GOLGA4: variants seen among roughly 807,000 people sequenced by gnomAD.
GOLGA4 encodes golgin subfamily A member 4.
A neutral mutation model predicts 265.9 loss-of-function variants in GOLGA4; 169 were observed. That is an observed-to-expected ratio of 0.64 (90% CI 0.56 to 0.72). The LOEUF (loss-of-function observed/expected upper bound fraction) is 0.72. Ranked by LOEUF, GOLGA4 falls within the 30% of genes least tolerant of loss-of-function variation. The pLI, the probability that GOLGA4 is intolerant of heterozygous loss-of-function variation, is 0.00. For missense variants in GOLGA4, 2,482 were observed against 2,483.4 expected, an observed-to-expected ratio of 1.00 and a Z score of 0.01; for synonymous variants, 923 against 855.8, an observed-to-expected ratio of 1.08 and a Z score of -1.37.
intron 10 of GOLGA4, among the ~76,000 whole-genome samples, chr3:37,305,107 C>T (rs528040008): frequency 2.0e-5 from 3 of 151,946 alleles, no homozygotes; most frequent in African/African-American, 7.3e-5. Context: ...TTAATAGAGA[C>T]CGGGTTTCAC....
intron 16 of GOLGA4, among the ~76,000 whole-genome samples, chr3:37,330,271 A>G (rs558080863): frequency 3.3e-4 from 50 of 152,310 alleles, no homozygotes; most frequent in African/African-American, 1.2e-3. Flanking sequence ...CTAAAACTAC[A>G]TAGTGGTAGA....
rs1198703584 is a variant in GOLGA4 at position 37,253,335 on chromosome 3, A to T, written c.162+1851A>T. 2.6e-5 allele frequency among the ~76,000 whole-genome samples: 4 copies of T among 152,056 alleles called. No homozygotes were observed. The South Asian group carries it at 8.3e-4, about 31-fold the overall frequency. Reference sequence around the variant, plus strand: ...GAAGTTTAACAAAATGAGAAACCGCATAGGGTACAGGGAAATGATGAAAAA... The same window carrying T: ...GAAGTTTAACAAAATGAGAAACCGCTTAGGGTACAGGGAAATGATGAAAAA... On this transcript the variant is annotated intron_variant, in intron 2 of 23. Transcript: ENST00000361924.
At chr3:37,286,961 A>G (rs956167354) in intron 4 of GOLGA4, among the ~76,000 whole-genome samples, 3 of 152,196 alleles carry the variant, frequency 2.0e-5, no homozygotes, top group Admixed American at 1.3e-4. Context: ...GAAATTTCCC[A>G]CTAGGTATTC....
intron 3 of GOLGA4, among the ~76,000 whole-genome samples, chr3:37,284,832 A>G (rs1314812993): frequency 6.6e-6 from 1 of 151,574 alleles, no homozygotes; most frequent in African/African-American, 2.4e-5. Context: ...CACCTGGCTA[A>G]TTTTTTGTAT....
At chr3:37,353,756 A>G (rs1170144095) in intron 21 of GOLGA4, among the ~76,000 whole-genome samples, 1 of 151,984 alleles carries the variant, frequency 6.6e-6, no homozygotes, top group Non-Finnish European at 1.5e-5. Flanking sequence ...ATCCTGGCTA[A>G]TTTTTAAAAT....
chr3:37,324,981 T>A lies in GOLGA4; in HGVS notation c.3095T>A (p.Leu1032His), dbSNP rs2150963422. The change falls in exon 14 of 24, where the codon CTT becomes CAT. Residue 1032 changes from leucine to histidine, a missense_variant. By Grantham distance (99) the Leu-to-His change is moderately conservative (BLOSUM62 -3). Around this residue, in one of 3 missense-constraint regions of GOLGA4, gnomAD observed 1,536 missense variants for 1,483.7 expected, o/e 1.04. Transcript: ENST00000361924. ...ETNQKEQIES[L>H]TEVHRRELND... ...AACCAAAAAGAACAAATAGAAAGTC[T>A]TACTGAGGTTCATCGACGAGAACTC... 6.2e-7 allele frequency: 1 copy of A among 1,613,330 alleles called. No individual in the cohort carries two copies. The highest frequency in any genetic ancestry group is 1.7e-5 in the Admixed American group (1 of 59,948).
At chr3:37,337,191 TTC>T in intron 18 of GOLGA4, 28 bp downstream of exon 18, 1 of 1,208,168 alleles carries the variant, frequency 8.3e-7, no homozygotes, top group Non-Finnish European at 1.2e-6. Context: ...TTTTTTTTTT[TTC>T]TTTTTTTTCT....
intron 2 of GOLGA4, among the ~76,000 whole-genome samples, chr3:37,266,294 G>A (rs111334780): frequency 0.32 from 49,208 of 151,876 alleles, 8,875 homozygotes; most frequent in East Asian, 0.52. Flanking sequence ...CCGCCTCCCA[G>A]GTTCAAGCGA....
At chr3:37,261,843 T>C (rs2096770600) in intron 2 of GOLGA4, among the ~76,000 whole-genome samples, 1 of 152,112 alleles carries the variant, frequency 6.6e-6, no homozygotes, top group South Asian at 2.1e-4. Flanking sequence ...ATCTTAGTGA[T>C]TGAGTTTGTG....
At chr3:37,298,228 A>G (rs1212333872) in intron 7 of GOLGA4, among the ~76,000 whole-genome samples, 2 of 152,200 alleles carry the variant, frequency 1.3e-5, no homozygotes, top group African/African-American at 2.4e-5. Context: ...TTTTACTCAA[A>G]TCAGTCTCGC....
chr3:37,265,330 A>G (rs1322488750), intron 2 of GOLGA4, among the ~76,000 whole-genome samples: 3 of 152,218 alleles, frequency 2.0e-5, no homozygotes, highest in African/African-American at 7.2e-5. Flanking sequence ...CTAGTGTAAC[A>G]GAAAATGTCT....
At chr3:37,278,566 A>G (rs1403150631) in intron 2 of GOLGA4, among the ~76,000 whole-genome samples, 1 of 152,200 alleles carries the variant, frequency 6.6e-6, no homozygotes, top group African/African-American at 2.4e-5. Context: ...TATGGATACA[A>G]AAACTTGAAT....
intron 21 of GOLGA4, among the ~76,000 whole-genome samples, chr3:37,347,871 C>A (rs537204204): frequency 7.2e-5 from 11 of 152,142 alleles, no homozygotes; most frequent in African/African-American, 2.2e-4. Context: ...TTATTTGTAT[C>A]CCTTGCAGTG....
At chr3:37,268,130 G>A (rs1211167451) in intron 2 of GOLGA4, among the ~76,000 whole-genome samples, 1 of 152,102 alleles carries the variant, frequency 6.6e-6, no homozygotes, top group Non-Finnish European at 1.5e-5. Context: ...TGTTCAGGCT[G>A]GAATGCAGTG....
chr3:37,268,863 C>T (rs2096790620), intron 2 of GOLGA4, among the ~76,000 whole-genome samples: 1 of 152,238 alleles, frequency 6.6e-6, no homozygotes, highest in Non-Finnish European at 1.5e-5. Flanking sequence ...AGCCACTACG[C>T]CCAGCCTAGT....
intron 10 of GOLGA4, 38 bp downstream of exon 10, chr3:37,302,370 C>G (rs753569885): frequency 6.4e-7 from 1 of 1,567,216 alleles, no homozygotes; most frequent in African/African-American, 1.4e-5. Flanking sequence ...TGTTGGAACT[C>G]AAAAGTTATT....
rs767975151 is a variant in GOLGA4, at chr3:37,324,526, A to C, written c.2640A>C (p.Lys880Asn). 2 of 1,613,878 alleles carry C rather than the reference A, an allele frequency of 1.2e-6. No individual in the cohort carries two copies. The highest frequency in any genetic ancestry group is 2.7e-5 in the African/African-American group (2 of 74,892). Residue 880 changes from lysine to asparagine, a missense_variant, in exon 14 of 24, where the codon AAA (lysine) becomes AAC (asparagine). Coordinates refer to ENST00000361924, the MANE Select transcript of GOLGA4 (RefSeq NM_002078.5). ...AACAAAATAGTGAAATGGAGCAAAA[A>C]GTAAAATCTTTAACCCAAGTCTATG... The part of the protein sequence containing the change: ...LEKQNSEMEQ[K>N]VKSLTQVYES...
At chr3:37,278,412 A>T (rs1298902548) in intron 2 of GOLGA4, among the ~76,000 whole-genome samples, 1 of 152,144 alleles carries the variant, frequency 6.6e-6, no homozygotes, top group Non-Finnish European at 1.5e-5. Context: ...CATGTTGGCC[A>T]GTCTGGTCTT....
intron 2 of GOLGA4, among the ~76,000 whole-genome samples, chr3:37,277,773 G>A (rs2096823406): frequency 1.3e-5 from 2 of 151,906 alleles, no homozygotes; most frequent in African/African-American, 4.8e-5. Context: ...AGGTTCCCTA[G>A]GGTACACTTG....
Sources: gnomAD v4.1 joint callset for allele counts (sites outside exome capture counted in the v4.1 genomes callset) on GRCh38, gnomAD v4.1.1 for gene constraint, gnomAD v4.1.1 regional missense constraint, MANE v1.5 for transcripts, NCBI Gene and HGNC (gene_info 2026-07-23, HGNC 2026-07-21) for gene names.